Variants in GRIN2B observed in about 807,000 individuals in gnomAD.
GRIN2B encodes the protein glutamate receptor ionotropic, NMDA 2B.
Under a neutral mutation model 114.5 loss-of-function variants are expected in GRIN2B, and 5 were observed. The ratio of observed to expected loss-of-function variants is 0.04; its 90% confidence interval spans 0.02 to 0.09. The LOEUF (loss-of-function observed/expected upper bound fraction) is 0.09. Among genes scored for constraint, GRIN2B ranks in the 10% least tolerant of loss-of-function variants. The pLI is 1.00. For synonymous variants in GRIN2B, 787 were observed against 745.1 expected (o/e 1.06, Z -0.92); for missense variants, 1,108 against 1,943.5 (o/e 0.57, Z 8.08).
At position 13,872,194 on chromosome 12, in the gene GRIN2B, G is replaced by GA. The variant is rs755259673; in HGVS notation, c.-18-5969dup. 1.4e-3 allele frequency among the ~76,000 whole-genome samples: 203 copies of GA among 147,518 alleles called. 1 individual carries two copies. In the East Asian group the frequency reaches 0.027, roughly 19 times the overall value. On this transcript the variant is annotated intron_variant, in intron 2 of 13. Coordinates refer to ENST00000609686, the MANE Select transcript of GRIN2B (RefSeq NM_000834.5). ...ACCCCTTCCACTTATGGACATAAAG[G>GA]AAAAAAAAAACCTTAAAAATTAGTG... is the stretch of plus-strand genomic sequence containing the variant.
In GRIN2B at chr12:13,564,036, C is replaced by T. The variant is rs749434579; in HGVS notation, c.3202G>A (p.Val1068Ile). 6 of 1,614,186 alleles carry T rather than the reference C, an allele frequency of 3.7e-6. No individual in the cohort carries two copies. The highest frequency in any genetic ancestry group is 1.1e-5 in the South Asian group (1 of 91,076). ...SDVSDISTHT[V>I]TYGNIEGNAA... Reference sequence around the variant, plus strand: ...TTGCCCTCGATGTTCCCATAGGTGACGGTGTGGGTTGAGATGTCAGAGACA... The same window carrying T: ...TTGCCCTCGATGTTCCCATAGGTGATGGTGTGGGTTGAGATGTCAGAGACA... Residue 1068 changes from valine to isoleucine, a missense_variant, in exon 14 of 14, where the codon GTC becomes ATC. By Grantham distance (29) the Val-to-Ile change is conservative. Around this residue, in one of 19 missense-constraint regions of GRIN2B, gnomAD observed 19 missense variants for 62.0 expected, o/e 0.31. Coordinates refer to ENST00000609686, the MANE Select transcript of GRIN2B (RefSeq NM_000834.5). The surrounding 1 kb of genome is among the most constrained non-coding windows in gnomAD (Gnocchi z 4.8).
At chr12:13,709,470 A>C (rs1247643493) in intron 4 of GRIN2B, among the ~76,000 whole-genome samples, 1 of 152,060 alleles carries the variant, frequency 6.6e-6, no homozygotes, top group Non-Finnish European at 1.5e-5. Context: ...GCAAAGACAC[A>C]GAAGATAGAA....
chr12:13,877,325 C>T (rs1866005245), intron 2 of GRIN2B, among the ~76,000 whole-genome samples: 1 of 152,208 alleles, frequency 6.6e-6, no homozygotes, highest in Non-Finnish European at 1.5e-5. Context: ...GGAACAAAAG[C>T]TGCATTATTT....
At chr12:13,711,092 A>T (rs909713922) in intron 4 of GRIN2B, among the ~76,000 whole-genome samples, 1 of 152,204 alleles carries the variant, frequency 6.6e-6, no homozygotes, top group South Asian at 2.1e-4. Flanking sequence ...CAACCATCTG[A>T]TCTTTGACAA....
chr12:13,563,074 G>T lies in GRIN2B; in HGVS notation c.4164C>A (p.Ile1388=). 1 of 1,614,226 alleles carries T rather than the reference G, an allele frequency of 6.2e-7. No individual in the cohort carries two copies. The highest frequency in any genetic ancestry group is 2.2e-5 in the East Asian group (1 of 44,870). Residue 1388 remains isoleucine (I), a synonymous_variant, in exon 14 of 14, where the codon ATC becomes ATA. Coordinates refer to ENST00000609686, the MANE Select transcript of GRIN2B (RefSeq NM_000834.5). ...YPDRVTQNPF[I]PTFGDDQCLL... The stretch of plus-strand genomic sequence containing the variant: ...AGCACTGGTCGTCCCCAAAAGTGGG[G>T]ATGAAAGGGTTTTGCGTGACCCGGT...
chr12:13,833,239 C>T (rs1865185942), intron 3 of GRIN2B, among the ~76,000 whole-genome samples: 1 of 152,130 alleles, frequency 6.6e-6, no homozygotes, highest in Non-Finnish European at 1.5e-5. Flanking sequence ...AGAAAGATGC[C>T]TGATCACTAA....
intron 5 of GRIN2B, among the ~76,000 whole-genome samples, chr12:13,653,080 G>A (rs1306771972): frequency 6.6e-6 from 1 of 152,078 alleles, no homozygotes. Flanking sequence ...GAAGGAAATT[G>A]CAGTAATTCA....
At chr12:13,627,179 A>C (rs920196698) in intron 5 of GRIN2B, among the ~76,000 whole-genome samples, 1 of 152,128 alleles carries the variant, frequency 6.6e-6, no homozygotes, top group Non-Finnish European at 1.5e-5. Flanking sequence ...AATACAAGTG[A>C]GAGTATGAGC....
At chr12:13,970,577 G>A (rs1862893719) in intron 2 of GRIN2B, among the ~76,000 whole-genome samples, 1 of 152,020 alleles carries the variant, frequency 6.6e-6, no homozygotes, top group South Asian at 2.1e-4. Context: ...AAAGGACAAA[G>A]TCATAAATCT....
chr12:13,700,289 A>G (rs1355531576), intron 4 of GRIN2B, among the ~76,000 whole-genome samples: 1 of 152,180 alleles, frequency 6.6e-6, no homozygotes, highest in Non-Finnish European at 1.5e-5. Context: ...TAATTTCGCT[A>G]ACTGTGGAAT....
intron 4 of GRIN2B, among the ~76,000 whole-genome samples, chr12:13,736,454 A>G (rs939875677): frequency 1.3e-5 from 2 of 152,194 alleles, no homozygotes; most frequent in Admixed American, 1.3e-4. Context: ...ACTCTTGCCC[A>G]CTAAAATGTC....
chr12:13,652,298 C>A (rs1376139662), intron 5 of GRIN2B, among the ~76,000 whole-genome samples: 1 of 151,704 alleles, frequency 6.6e-6, no homozygotes, highest in Non-Finnish European at 1.5e-5. Context: ...AGAAGAGGTA[C>A]AAGTAAACAT....
chr12:13,666,582 T>G (rs1028013305), intron 5 of GRIN2B, among the ~76,000 whole-genome samples: 1 of 152,210 alleles, frequency 6.6e-6, no homozygotes, highest in South Asian at 2.1e-4. Context: ...ATTTTATTTT[T>G]TTGTTGTTGT....
Position 13,866,140 on chromosome 12 carries a change from G to C in GRIN2B, c.69C>G (p.Gly23=), listed in dbSNP as rs1865824294. 2 of 1,613,412 alleles carry C rather than the reference G, an allele frequency of 1.2e-6. No individual in the cohort carries two copies. Among genetic ancestry groups the C allele is most frequent in the African/African-American group, 2.7e-5 (2 of 75,036 alleles). The change falls in exon 3 of 14, where the codon GGC becomes GGG. Residue 23 remains glycine, a synonymous_variant. Coordinates refer to ENST00000609686, the MANE Select transcript of GRIN2B (RefSeq NM_000834.5). ...GGCTCTTCTGAGAACGAGCTCTGCT[G>C]CCTGACACGGCCAGGACGGCCAACA... ...WLVLAVLAVS[G]SRARSQKSPP... is the part of the protein sequence containing the mutation.
intron 12 of GRIN2B, among the ~76,000 whole-genome samples, chr12:13,568,421 G>A (rs1948667720): frequency 1.3e-5 from 2 of 152,248 alleles, no homozygotes; most frequent in African/African-American, 2.4e-5. Flanking sequence ...CTTTCTCATG[G>A]ATACAGTCTC....
At chr12:13,952,857 T>C (rs1198724419) in intron 2 of GRIN2B, among the ~76,000 whole-genome samples, 1 of 151,770 alleles carries the variant, frequency 6.6e-6, no homozygotes. Flanking sequence ...TAAATAAACA[T>C]GCTGGTCATT....
At chr12:13,677,337 A>G (rs1399483963) in intron 4 of GRIN2B, among the ~76,000 whole-genome samples, 1 of 152,168 alleles carries the variant, frequency 6.6e-6, no homozygotes, top group Non-Finnish European at 1.5e-5. Flanking sequence ...TCTTCCAGGT[A>G]ACATTAGGTT....
intron 3 of GRIN2B, among the ~76,000 whole-genome samples, chr12:13,761,240 G>T (rs548112728): frequency 7.9e-5 from 12 of 152,298 alleles, no homozygotes; most frequent in African/African-American, 2.6e-4. Flanking sequence ...TTTATTATTT[G>T]TTCTTTCAGA....
At chr12:13,861,381 C>T (rs935504940) in intron 3 of GRIN2B, among the ~76,000 whole-genome samples, 1 of 152,138 alleles carries the variant, frequency 6.6e-6, no homozygotes, top group African/African-American at 2.4e-5. Context: ...GTAGAAAAAC[C>T]TCCTAGAAAT....
Sources: gnomAD v4.1 joint callset for allele counts (sites outside exome capture counted in the v4.1 genomes callset) on GRCh38, gnomAD v4.1.1 for gene constraint, gnomAD v4.1.1 regional missense constraint, Gnocchi (gnomAD v3.1) non-coding constraint, MANE v1.5 for transcripts, NCBI Gene and HGNC (gene_info 2026-07-23, HGNC 2026-07-21) for gene names.